The following ELAVL2 variants were observed in gnomAD, a reference collection of about 807,000 sequenced individuals.
ELAVL2 encodes ELAV like RNA binding protein 2.
A neutral mutation model predicts 34.6 loss-of-function variants in ELAVL2; 4 were observed. That is an observed-to-expected ratio of 0.12 (90% CI 0.06 to 0.26). ELAVL2 has a LOEUF of 0.26. Among genes scored for constraint, ELAVL2 ranks in the 10% least tolerant of loss-of-function variants. The pLI is 1.00. For synonymous variants in ELAVL2, 193 were observed against 154.8 expected (o/e 1.25, Z -1.83); for missense variants, 432 against 442.8 (o/e 0.98, Z 0.22).
upstream of ELAVL2, among the ~76,000 whole-genome samples, chr9:23,828,940 T>C (rs1320384315): frequency 6.6e-6 from 1 of 152,236 alleles, no homozygotes; most frequent in Non-Finnish European, 1.5e-5. Context: ...CATTAACAAA[T>C]ACATACTATC....
In ELAVL2 at chr9:23,692,834, A is replaced by T. The variant is rs762876969; in HGVS notation, c.803T>A (p.Ile268Asn). ...CCACCCTGTTCCAGGGTGCCCAGGG[A>T]TATTAATTCCAGCCAAACTGGTCAT... ...DGMTSLAGIN[I>N]PGHPGTGWCI... Residue 268 changes from isoleucine to asparagine, a missense_variant, in exon 7 of 7, where the codon ATC becomes AAC. Physicochemically the swap from Ile to Asn is moderately radical, Grantham distance 149. Coordinates refer to ENST00000397312, the MANE Select transcript of ELAVL2 (RefSeq NM_004432.5). 1 of 1,614,126 alleles carries T rather than the reference A, an allele frequency of 6.2e-7. No homozygotes were observed. Among genetic ancestry groups the T allele is most frequent in the Non-Finnish European group, 8.5e-7 (1 of 1,179,992 alleles).
intron 1 of ELAVL2, among the ~76,000 whole-genome samples, chr9:23,818,245 C>A (rs557236238): frequency 1.3e-5 from 2 of 152,106 alleles, no homozygotes; most frequent in Non-Finnish European, 2.9e-5. Context: ...TCAAACAGTT[C>A]TATAATATAT....
chr9:23,742,895 T>C (rs1368060960), intron 2 of ELAVL2, among the ~76,000 whole-genome samples: 2 of 152,170 alleles, frequency 1.3e-5, no homozygotes, highest in African/African-American at 2.4e-5. Flanking sequence ...CACACAGCAC[T>C]GATTTTTACA....
chr9:23,830,500 C>T (rs948097840), upstream of ELAVL2, among the ~76,000 whole-genome samples: 2 of 151,914 alleles, frequency 1.3e-5, no homozygotes, highest in Non-Finnish European at 2.9e-5. Context: ...CTTAAAGACA[C>T]ATGAATTGTT....
At chr9:23,761,746 A>C (rs12551567) in intron 2 of ELAVL2, among the ~76,000 whole-genome samples, 3,853 of 152,172 alleles carry the variant, frequency 0.025, 232 homozygotes, top group Admixed American at 0.13. Flanking sequence ...AGATACATAT[A>C]CTTTTAGAAG....
At chr9:23,745,333 G>A (rs532892047) in intron 2 of ELAVL2, among the ~76,000 whole-genome samples, 1 of 152,162 alleles carries the variant, frequency 6.6e-6, no homozygotes, top group Non-Finnish European at 1.5e-5. Context: ...GATTTTCTGT[G>A]TAATCCTCTA....
At chr9:23,778,525 T>G (rs1054201524) in intron 1 of ELAVL2, among the ~76,000 whole-genome samples, 1 of 152,170 alleles carries the variant, frequency 6.6e-6, no homozygotes, top group Non-Finnish European at 1.5e-5. Context: ...GGTTGCCCTA[T>G]AAATGGGGTG....
chr9:23,820,918 G>A (rs1032937653), intron 1 of ELAVL2, among the ~76,000 whole-genome samples: 1 of 152,222 alleles, frequency 6.6e-6, no homozygotes, highest in African/African-American at 2.4e-5. Context: ...ACCTCGCGCG[G>A]CTGCGACGGG....
chr9:23,746,798 TCTTTCCATGTAAA>T (rs2050603296), intron 2 of ELAVL2, among the ~76,000 whole-genome samples: 1 of 150,020 alleles, frequency 6.7e-6, no homozygotes, highest in Admixed American at 6.6e-5. Context: ...TCCTTAGAAG[TCTTTCCATGTAAA>T]CTGAAAAAGA....
At chr9:23,838,813 G>A in the ELAVL2 span, among the ~76,000 whole-genome samples, 1 of 152,078 alleles carries the variant, frequency 6.6e-6, no homozygotes, top group African/African-American at 2.4e-5. Context: ...ATAAGTAAGT[G>A]AAAACCATAA....
chr9:23,833,401 A>G, the ELAVL2 span, among the ~76,000 whole-genome samples: 1 of 151,852 alleles, frequency 6.6e-6, no homozygotes, highest in Admixed American at 6.6e-5. Flanking sequence ...TATGCACACA[A>G]TGGACAGCTT....
rs144004346 is a variant in ELAVL2 at position 23,797,604 on chromosome 9, G to C, written c.-16+28202C>G. ...TAAAGGACACCAGGTGTACGATTTA[G>C]GTTTGCCATAATGATATACTTGAGT... On this transcript the variant is annotated intron_variant, in intron 1 of 6. Transcript: ENST00000397312. Among the ~76,000 whole-genome samples, 18 of 152,334 alleles carry C rather than the reference G, an allele frequency of 1.2e-4. No individual in the cohort carries two copies. In the East Asian group the frequency reaches 3.5e-3, roughly 29 times the overall value.
chr9:23,763,649 G>T (rs1308954736), intron 1 of ELAVL2, among the ~76,000 whole-genome samples: 1 of 152,034 alleles, frequency 6.6e-6, no homozygotes, highest in African/African-American at 2.4e-5. Flanking sequence ...AAAAATAAAA[G>T]GGCACATTAG....
chr9:23,708,232 C>T (rs1563990395), intron 3 of ELAVL2, among the ~76,000 whole-genome samples: 1 of 152,114 alleles, frequency 6.6e-6, no homozygotes, highest in Non-Finnish European at 1.5e-5. Flanking sequence ...ACGTCGGTAA[C>T]AATGTTTAAT....
intron 3 of ELAVL2, among the ~76,000 whole-genome samples, chr9:23,718,532 G>T (rs1268323425): frequency 1.3e-5 from 2 of 152,082 alleles, no homozygotes; most frequent in Non-Finnish European, 2.9e-5. Context: ...GATTGCTTAT[G>T]GCATTTAACA....
Position 23,741,410 on chromosome 9 carries a change from G to A in ELAVL2, c.230-10285C>T, listed in dbSNP as rs143026371. On this transcript the variant is annotated intron_variant, in intron 2 of 6. Transcript: ENST00000397312. ...GGACCCAGGGACAGTCACCTTAGTG[G>A]CCTGGTATAATCACTGAGCAGATGC... is the stretch of plus-strand genomic sequence containing the variant. Among the ~76,000 whole-genome samples, 420 of 152,258 alleles carry A rather than the reference G, an allele frequency of 2.8e-3. 3 individuals are homozygous for A. The highest frequency in any genetic ancestry group is 9.7e-3 in the African/African-American group (404 of 41,554).
the ELAVL2 span, among the ~76,000 whole-genome samples, chr9:23,834,352 T>C: frequency 2.0e-5 from 3 of 151,982 alleles, no homozygotes; most frequent in Non-Finnish European, 2.9e-5. Flanking sequence ...GTTTTGCAAA[T>C]TGTTAATGGC....
intron 3 of ELAVL2, among the ~76,000 whole-genome samples, chr9:23,726,030 A>G (rs916950820): frequency 1.3e-5 from 2 of 152,108 alleles, no homozygotes; most frequent in African/African-American, 4.8e-5. Context: ...GATTTCAGAA[A>G]TGTAGTTCTA....
At chr9:23,740,588 G>T (rs2048926540) in intron 2 of ELAVL2, among the ~76,000 whole-genome samples, 1 of 151,802 alleles carries the variant, frequency 6.6e-6, no homozygotes, top group African/African-American at 2.4e-5. Flanking sequence ...TCTTTGTCAT[G>T]AAATAAATTG....
Sources: gnomAD v4.1 joint callset for allele counts (sites outside exome capture counted in the v4.1 genomes callset) on GRCh38, gnomAD v4.1.1 for gene constraint, MANE v1.5 for transcripts, NCBI Gene and HGNC (gene_info 2026-07-23, HGNC 2026-07-21) for gene names.